The following RSL1D1 variants were observed in gnomAD, a reference collection of about 807,000 sequenced individuals.
RSL1D1 encodes the protein ribosomal L1 domain-containing protein 1.
RSL1D1 carries 34 observed loss-of-function variants against 44.6 expected under a neutral mutation model. The ratio of observed to expected loss-of-function variants is 0.76; its 90% confidence interval spans 0.58 to 1.02. The LOEUF is 1.02. Ranked by LOEUF, RSL1D1 falls within the 50% of genes least tolerant of loss-of-function variation. The probability of loss-of-function intolerance (pLI) is 0.00; values close to 1 mark genes in which losing one functional copy is unlikely to be tolerated. For synonymous variants in RSL1D1, 271 were observed against 207.4 expected (o/e 1.31, Z -2.63); for missense variants, 767 against 568.1 (o/e 1.35, Z -3.56).
rs902697141 is a variant in RSL1D1, at chr16:11,838,069, A to G, written c.1191T>C (p.Pro397=). 1 of 1,600,110 alleles carries G rather than the reference A, an allele frequency of 6.2e-7. No individual in the cohort carries two copies. Among genetic ancestry groups the G allele is most frequent in the South Asian group, 1.1e-5 (1 of 87,220 alleles). The change falls in exon 9 of 9, where the codon CCT becomes CCC. Residue 397 remains proline, a synonymous_variant. Coordinates refer to ENST00000571133, the MANE Select transcript of RSL1D1 (RefSeq NM_015659.3). ...ATGKKSPAKS[P]NPSTPRGKKR... ...TCTTCCCACGAGGTGTGCTGGGATTAGGACTCTTTGCTGGAGACTTCTTTC... is the reference window on the plus strand; with the variant it reads ...TCTTCCCACGAGGTGTGCTGGGATTGGGACTCTTTGCTGGAGACTTCTTTC...
intron 5 of RSL1D1, among the ~76,000 whole-genome samples, 174 bp downstream of exon 5, chr16:11,846,326 CG>C (rs1043086490): frequency 2.5e-4 from 37 of 150,334 alleles, no homozygotes; most frequent in Admixed American, 1.3e-3. Flanking sequence ...ACCCAGGAGG[CG>C]GAGCTTGCAG....
In RSL1D1 at chr16:11,846,730, G is replaced by A. The variant is rs773611379; in HGVS notation, c.498C>T (p.Pro166=). ...GATAGAAATGTCTCCCAATGAGTGA[G>A]GGTAAGAGCCGCCTAATTCTGGCAT... The part of the protein sequence containing the change: ...LTDARIRRLL[P]SLIGRHFYQR... Residue 166 remains proline (P), a synonymous_variant, in exon 4 of 9, where the codon CCC becomes CCT. Transcript: ENST00000571133. The A allele has an allele frequency of 1.9e-6, 3 of 1,614,134 alleles. No homozygotes were observed. The highest frequency in any genetic ancestry group is 1.1e-5 in the South Asian group (1 of 91,088).
rs760015457 is a variant in RSL1D1, at chr16:11,838,856, C to CAAAA, written c.1147-747_1147-744dup. Among the ~76,000 whole-genome samples, 37 of 82,290 alleles carry CAAAA rather than the reference C, an allele frequency of 4.5e-4. 3 individuals are homozygous for CAAAA. Among genetic ancestry groups the CAAAA allele is most frequent in the African/African-American group, 9.6e-4 (22 of 23,030 alleles). 54.0% of individuals were successfully genotyped at this position (82,290 alleles called of 152,430 possible). On this transcript the variant is annotated intron_variant, in intron 8 of 8. Coordinates refer to ENST00000571133, the MANE Select transcript of RSL1D1 (RefSeq NM_015659.3). Reference sequence around the variant, plus strand: ...TGGGCAACAAAGTGAGACCTTGTCTCAAAAAAAAAAAACAAAAAAAAACTG... The same window carrying CAAAA: ...TGGGCAACAAAGTGAGACCTTGTCTCAAAAAAAAAAAAAAAACAAAAAAAAACTG...
At position 11,846,915 on chromosome 16, in the gene RSL1D1, AATTTGG is replaced by A. The variant is rs1328371732; in HGVS notation, c.385-78_385-73del. ...CAAGGAGAAGAAATACTTAGGCAAC[AATTTGG>A]ATTTGGATTTAAAAATGTCCTAGAG... is the stretch of plus-strand genomic sequence containing the variant. On this transcript the variant is annotated intron_variant, in intron 3 of 8. Transcript: ENST00000571133. 2.5e-5 allele frequency: 33 copies of A among 1,328,814 alleles called. No homozygotes were observed. The Admixed American group carries it at 5.3e-4, about 21-fold the overall frequency. The allele number at this position is 1,328,814 out of a possible 1,614,324, so 82.3% of individuals were successfully genotyped here.
At position 11,850,271 on chromosome 16, in the gene RSL1D1, C is replaced by A; in HGVS notation, c.245+8G>T. ...TAAAAACAGCAAAGGTAGAAAATCA[C>A]AACTTACAATCTGACCCTCAGTTCT... On this transcript the variant is annotated splice_region_variant and intron_variant, in intron 2 of 8. Transcript: ENST00000571133. 1 of 1,561,114 alleles carries A rather than the reference C, an allele frequency of 6.4e-7. No individual in the cohort carries two copies.
chr16:11,838,269 C>T (rs2053736247), intron 8 of RSL1D1, among the ~76,000 whole-genome samples, 156 bp from the exon 9 acceptor site: 1 of 152,146 alleles, frequency 6.6e-6, no homozygotes, highest in Non-Finnish European at 1.5e-5. Flanking sequence ...TCTCAGTTCA[C>T]TGCAACCTCT....
At chr16:11,845,695 C>A (rs755705910) in intron 5 of RSL1D1, among the ~76,000 whole-genome samples, 4 of 151,970 alleles carry the variant, frequency 2.6e-5, no homozygotes, top group Non-Finnish European at 4.4e-5. Context: ...AAAGTGCTAT[C>A]AGACAACATT....
chr16:11,842,049 A>G (rs2053767495), intron 5 of RSL1D1, 49 bp from the exon 6 acceptor site: 2 of 1,336,164 alleles, frequency 1.5e-6, no homozygotes, highest in African/African-American at 1.5e-5. Flanking sequence ...CCATTTTTCA[A>G]AATAAACCAG....
chr16:11,839,991 A>G lies in RSL1D1; in HGVS notation c.856-6T>C. On this transcript the variant is annotated splice_polypyrimidine_tract_variant and splice_region_variant and intron_variant, in intron 7 of 8. Transcript: ENST00000571133. ...CTTCGTTTTCTCCTTGCCTCCTACC[A>G]AAAAACACCATACAAACATTTTAGC... 1 of 1,609,508 alleles carries G rather than the reference A, an allele frequency of 6.2e-7. No individual in the cohort carries two copies. Among genetic ancestry groups the G allele is most frequent in the African/African-American group, 1.3e-5 (1 of 74,590 alleles).
intron 3 of RSL1D1, 190 bp downstream of exon 3, chr16:11,847,478 G>A (rs921509932): frequency 3.7e-6 from 2 of 540,466 alleles, no homozygotes; most frequent in East Asian, 6.3e-5. Flanking sequence ...GAAGTACAGA[G>A]GAATGACACG....
In RSL1D1 at chr16:11,848,903, A is replaced by C. The variant is rs73509772; in HGVS notation, c.246-1097T>G. 3.0e-3 allele frequency among the ~76,000 whole-genome samples: 453 copies of C among 150,628 alleles called. 5 individuals are homozygous for C. Among genetic ancestry groups the C allele is most frequent in the African/African-American group, 0.011 (433 of 40,988 alleles). On this transcript the variant is annotated intron_variant, in intron 2 of 8. Transcript: ENST00000571133. ...AATGATTCTTGCACTTCAGCCTCCC[A>C]AACAGCTGGGATTACAGACGCCCAC...
At position 11,838,034 on chromosome 16, in the gene RSL1D1, G is replaced by A. The variant is rs779932368; in HGVS notation, c.1226C>T (p.Ala409Val). The A allele has an allele frequency of 6.2e-7, 1 of 1,613,766 alleles. No individual in the cohort carries two copies. Among genetic ancestry groups the A allele is most frequent in the South Asian group, 1.1e-5 (1 of 91,038 alleles). The part of the protein sequence containing the change: ...PSTPRGKKRK[A>V]LPASETPKAA... Reference sequence around the variant, plus strand: ...TTTTGGGGTCTCAGATGCTGGCAAAGCCTTTCTTTTCTTCCCACGAGGTGT... The same window carrying A: ...TTTTGGGGTCTCAGATGCTGGCAAAACCTTTCTTTTCTTCCCACGAGGTGT... Residue 409 changes from alanine to valine, a missense_variant, in exon 9 of 9, where the codon GCT (alanine) becomes GTT (valine). Physicochemically the swap from Ala to Val is moderately conservative, Grantham distance 64. Transcript: ENST00000571133.
chr16:11,835,815 TAA>T lies in RSL1D1; in HGVS notation c.*1970_*1971del, dbSNP rs1375910283. On this transcript the variant is annotated 3_prime_UTR_variant, in exon 9 of 9. Coordinates refer to ENST00000571133, the MANE Select transcript of RSL1D1 (RefSeq NM_015659.3). ...GCAGGGCTTGCATTCTGACATAATG[TAA>T]AAGAGTCTTGGAATATGTCCAGGGT... 7 of 152,366 alleles carry T rather than the reference TAA, an allele frequency of 4.6e-5. No individual in the cohort carries two copies. The highest frequency in any genetic ancestry group is 2.1e-4 in the South Asian group (1 of 4,830). 9.4% of individuals were successfully genotyped at this position (152,366 alleles called of 1,614,324 possible).
At position 11,837,987 on chromosome 16, in the gene RSL1D1, CTGGGGTCTCAGACTCTGCAGCTTT is replaced by C. The variant is rs1567417074; in HGVS notation, c.1249_1272del (p.Lys417_Pro424del). The C allele has an allele frequency of 1.2e-6, 2 of 1,613,970 alleles. No individual in the cohort carries two copies. Among genetic ancestry groups the C allele is most frequent in the South Asian group, 1.1e-5 (1 of 91,072 alleles). ...TTTGGCTTCTTCTCTGGGCTTTTCCCTGGGGTCTCAGACTCTGCAGCTTTTGGGGTCTCAGATGCTGGCAAAGCC... is the reference window on the plus strand; with the variant it reads ...TTTGGCTTCTTCTCTGGGCTTTTCCCTGGGGTCTCAGATGCTGGCAAAGCC... On this transcript the variant is annotated inframe_deletion, in exon 9 of 9. Coordinates refer to ENST00000571133, the MANE Select transcript of RSL1D1 (RefSeq NM_015659.3).
intron 5 of RSL1D1, among the ~76,000 whole-genome samples, chr16:11,844,505 C>T (rs932285208): frequency 8.5e-5 from 13 of 152,144 alleles, no homozygotes; most frequent in African/African-American, 3.1e-4. Flanking sequence ...GGTCTAGGCT[C>T]CGTGACCAAC....
At chr16:11,838,951 T>A (rs2053742326) in intron 8 of RSL1D1, among the ~76,000 whole-genome samples, 1 of 150,706 alleles carries the variant, frequency 6.6e-6, no homozygotes, top group Non-Finnish European at 1.5e-5. Context: ...GGGGAGGGAA[T>A]CCTGGAAGCA....
chr16:11,839,659 C>T, intron 8 of RSL1D1, 36 bp downstream of exon 8: 15 of 1,607,238 alleles, frequency 9.3e-6, no homozygotes, highest in Non-Finnish European at 1.3e-5. Flanking sequence ...AGCCACTGAA[C>T]CAATCCATTA....
chr16:11,843,704 TAA>T (rs1025038971), intron 5 of RSL1D1, among the ~76,000 whole-genome samples: 1 of 150,880 alleles, frequency 6.6e-6, no homozygotes, highest in Non-Finnish European at 1.5e-5. Flanking sequence ...CCGTCTCTAC[TAA>T]AAAAATACAA....
intron 1 of RSL1D1, chr16:11,851,032 C>T (rs949065175): frequency 1.4e-5 from 5 of 345,696 alleles, no homozygotes; most frequent in South Asian, 4.6e-5. Context: ...AAGCGCTTTA[C>T]ACTCATTACC....
Sources: allele counts gnomAD v4.1 joint callset (sites outside exome capture counted in the v4.1 genomes callset), GRCh38; gene constraint gnomAD v4.1.1; transcripts MANE v1.5; gene names NCBI Gene and HGNC (gene_info 2026-07-23, HGNC 2026-07-21).